Variants in NTNG2 observed in about 807,000 individuals in gnomAD.
NTNG2 encodes netrin-G2.
NTNG2 carries 15 observed loss-of-function variants against 47.6 expected under a neutral mutation model. The observed-to-expected ratio is 0.32, with a 90% confidence interval of 0.21 to 0.49. The LOEUF is 0.49. Among genes scored for constraint, NTNG2 ranks in the 20% least tolerant of loss-of-function variants. NTNG2 has a pLI of 0.99. For synonymous variants in NTNG2, 307 were observed against 324.6 expected (o/e 0.95, Z 0.58); for missense variants, 578 against 764.6 (o/e 0.76, Z 2.88).
intron 2 of NTNG2, among the ~76,000 whole-genome samples, chr9:132,195,985 G>T (rs532433041): frequency 3.6e-4 from 54 of 150,596 alleles, no homozygotes; most frequent in South Asian, 1.3e-3. Context: ...TGCCTGGGCC[G>T]ATCTCAAACT....
At chr9:132,188,823 AT>A (rs889823326) in intron 2 of NTNG2, among the ~76,000 whole-genome samples, 4 of 152,204 alleles carry the variant, frequency 2.6e-5, no homozygotes, top group Admixed American at 1.3e-4. Flanking sequence ...TTCTCCGAAG[AT>A]TTCCCGAGTC....
intron 3 of NTNG2, among the ~76,000 whole-genome samples, chr9:132,217,986 C>T (rs543072599): frequency 1.3e-5 from 2 of 152,222 alleles, no homozygotes; most frequent in Non-Finnish European, 2.9e-5. Flanking sequence ...TGGTCCATAT[C>T]GCTCCTCAGG....
chr9:132,214,874 A>G (rs1020501056), intron 3 of NTNG2, among the ~76,000 whole-genome samples: 1 of 149,444 alleles, frequency 6.7e-6, no homozygotes, highest in Admixed American at 6.7e-5. Flanking sequence ...TTCAAAAAAA[A>G]TTTTTTTTTT....
At chr9:132,209,679 G>A (rs1405246322) in intron 3 of NTNG2, among the ~76,000 whole-genome samples, 1 of 152,196 alleles carries the variant, frequency 6.6e-6, no homozygotes, top group Admixed American at 6.5e-5. Context: ...GATGAAGGCC[G>A]TCGTGGGGTG....
chr9:132,239,691 A>T (rs1244798063), intron 6 of NTNG2, among the ~76,000 whole-genome samples: 2 of 152,164 alleles, frequency 1.3e-5, no homozygotes, highest in Non-Finnish European at 2.9e-5. Context: ...GGAGCAGCCT[A>T]TCCCTCCTCC....
rs1424665016 is a variant in NTNG2 at position 132,236,163 on chromosome 9, C to T, written c.1055-2941C>T. ...TCCTGCAGGAGCGGGGGCCATGAGA[C>T]CTCGGAGGGTGGACTGTGGTGGGTG... On this transcript the variant is annotated intron_variant, in intron 5 of 7. Coordinates refer to ENST00000393229, the MANE Select transcript of NTNG2 (RefSeq NM_032536.4). This position sits in a 1 kb window ranked among gnomAD's most constrained non-coding sequence, Gnocchi z 4.3. 6.6e-6 allele frequency among the ~76,000 whole-genome samples: 1 copy of T among 152,172 alleles called. No homozygotes were observed. The highest frequency in any genetic ancestry group is 2.4e-5 in the African/African-American group (1 of 41,444).
Position 132,194,289 on chromosome 9 carries a change from AG to A in NTNG2, c.214-3676del, listed in dbSNP as rs1838114273. Among the ~76,000 whole-genome samples, 3 of 152,312 alleles carry A rather than the reference AG, an allele frequency of 2.0e-5. No individual in the cohort carries two copies. In the South Asian group the frequency reaches 6.2e-4, roughly 32 times the overall value. ...CATCACTCCTCCTCCCGAGCGGCAC[AG>A]ACAGAGCCCATTCTGCATCCAGGCT... On this transcript the variant is annotated intron_variant, in intron 2 of 7. Coordinates refer to ENST00000393229, the MANE Select transcript of NTNG2 (RefSeq NM_032536.4).
At chr9:132,225,832 C>T (rs1055727576) in intron 3 of NTNG2, among the ~76,000 whole-genome samples, 6 of 152,174 alleles carry the variant, frequency 3.9e-5, no homozygotes, top group Non-Finnish European at 5.9e-5. Context: ...TTTTTCTCCA[C>T]GCAACTCATC....
In NTNG2 at chr9:132,163,635, CT is replaced by C. The variant is rs1835265037; in HGVS notation, c.-484+1397del. Reference sequence around the variant, plus strand: ...CCCCGGGGTGGGCTGAGTATCCCCCCTAGCCCCGGGAGCCCCCAGCGCCCTC... The same window carrying C: ...CCCCGGGGTGGGCTGAGTATCCCCCCAGCCCCGGGAGCCCCCAGCGCCCTC... On this transcript the variant is annotated intron_variant, in intron 1 of 7. Coordinates refer to ENST00000393229, the MANE Select transcript of NTNG2 (RefSeq NM_032536.4). The surrounding 1 kb of genome is among the most constrained non-coding windows in gnomAD (Gnocchi z 7.2). 6.6e-6 allele frequency among the ~76,000 whole-genome samples: 1 copy of C among 152,066 alleles called. No individual in the cohort carries two copies. Among genetic ancestry groups the C allele is most frequent in the Admixed American group, 6.5e-5 (1 of 15,292 alleles).
At position 132,197,636 on chromosome 9, in the gene NTNG2, A is replaced by G. The variant is rs1379299388; in HGVS notation, c.214-330A>G. 6.6e-6 allele frequency among the ~76,000 whole-genome samples: 1 copy of G among 152,072 alleles called. No homozygotes were observed. Among genetic ancestry groups the G allele is most frequent in the Non-Finnish European group, 1.5e-5 (1 of 68,002 alleles). ...TGTGGGAGGGCAGGTTGGGGTTGGT[A>G]TATTACAGAGTCAGGACTCTGTATT... On this transcript the variant is annotated intron_variant, in intron 2 of 7. Coordinates refer to ENST00000393229, the MANE Select transcript of NTNG2 (RefSeq NM_032536.4). The surrounding 1 kb of genome is among the most constrained non-coding windows in gnomAD (Gnocchi z 4.3).
At chr9:132,224,245 C>T (rs965760400) in intron 3 of NTNG2, among the ~76,000 whole-genome samples, 2 of 152,160 alleles carry the variant, frequency 1.3e-5, no homozygotes, top group Admixed American at 6.5e-5. Context: ...TCCCCACCCC[C>T]CTGCACAGTT....
intron 2 of NTNG2, 113 bp downstream of exon 2, chr9:132,167,157 CT>C: frequency 8.5e-7 from 1 of 1,181,048 alleles, no homozygotes; most frequent in Non-Finnish European, 1.2e-6. Context: ...GCTGACTTTC[CT>C]GCCTCTTGAC....
intron 4 of NTNG2, among the ~76,000 whole-genome samples, chr9:132,227,761 C>A (rs1021180241): frequency 7.9e-5 from 12 of 152,204 alleles, no homozygotes; most frequent in African/African-American, 2.9e-4. Context: ...GCATCATAGA[C>A]CCCCTTCTGA....
chr9:132,195,207 G>GCCA (rs1838190013), intron 2 of NTNG2, among the ~76,000 whole-genome samples: 1 of 151,854 alleles, frequency 6.6e-6, no homozygotes, highest in Admixed American at 6.6e-5. Flanking sequence ...AAAACCCCAT[G>GCCA]CCACCCTCCC....
rs750306105 is a variant in NTNG2 at position 132,240,963 on chromosome 9, T to G, written c.1276T>G (p.Phe426Val). Residue 426 changes from phenylalanine to valine, a missense_variant, in exon 7 of 8, where the codon TTC becomes GTC. By Grantham distance (50) the Phe-to-Val change is conservative. Transcript: ENST00000393229. ...GCACGACCGGTGCAACGAGACCGGC[T>G]TCTGCGAGTGCCGCGAGGGCGCGGC... ...SVHDRCNETG[F>V]CECREGAAGP... The G allele has an allele frequency of 6.2e-7, 1 of 1,612,300 alleles. No homozygotes were observed. Among genetic ancestry groups the G allele is most frequent in the South Asian group, 1.1e-5 (1 of 91,060 alleles).
chr9:132,175,824 C>G (rs1836397277), intron 2 of NTNG2, among the ~76,000 whole-genome samples: 3 of 151,940 alleles, frequency 2.0e-5, no homozygotes, highest in Admixed American at 2.0e-4. Flanking sequence ...GAAGATTTGG[C>G]TAGATTAACC....
At chr9:132,191,223 G>A in intron 2 of NTNG2, among the ~76,000 whole-genome samples, 1 of 152,182 alleles carries the variant, frequency 6.6e-6, no homozygotes, top group East Asian at 1.9e-4. Flanking sequence ...TCCCGGGACA[G>A]TCCACGCCAT....
At chr9:132,234,666 GAC>G (rs1199830905) in intron 5 of NTNG2, among the ~76,000 whole-genome samples, 1 of 152,258 alleles carries the variant, frequency 6.6e-6, no homozygotes, top group Non-Finnish European at 1.5e-5. Context: ...CGCCGCTGGA[GAC>G]ACTAATCCTT....
chr9:132,219,172 G>A (rs950772444), intron 3 of NTNG2, among the ~76,000 whole-genome samples: 4 of 148,360 alleles, frequency 2.7e-5, no homozygotes, highest in African/African-American at 5.0e-5. Flanking sequence ...AGCTGTGATC[G>A]TGACACTACA....
Sources: allele counts gnomAD v4.1 joint callset (sites outside exome capture counted in the v4.1 genomes callset), GRCh38; gene constraint gnomAD v4.1.1; non-coding constraint Gnocchi (gnomAD v3.1); transcripts MANE v1.5; gene names NCBI Gene and HGNC (gene_info 2026-07-23, HGNC 2026-07-21).